Variants in SGTB observed in about 807,000 individuals in gnomAD.
SGTB encodes small glutamine rich tetratricopeptide repeat co-chaperone beta.
Under a neutral mutation model 43.9 loss-of-function variants are expected in SGTB, and 19 were observed. The ratio of observed to expected loss-of-function variants is 0.43; its 90% CI spans 0.30 to 0.63. SGTB has a LOEUF of 0.63. Ranked by LOEUF, SGTB falls within the 30% of genes least tolerant of loss-of-function variation. The probability of loss-of-function intolerance (pLI) is 0.12; values close to 1 mark genes in which losing one functional copy is unlikely to be tolerated. For missense variants in SGTB, 304 were observed against 358.9 expected (o/e 0.85, Z 1.24); for synonymous variants, 116 against 117.3 (o/e 0.99, Z 0.07).
At chr5:65,689,741 T>C (rs1328870828) in intron 5 of SGTB, among the ~76,000 whole-genome samples, 1 of 152,062 alleles carries the variant, frequency 6.6e-6, no homozygotes, top group East Asian at 1.9e-4. Flanking sequence ...AGTGGGGGCA[T>C]GGAGTGGGAG....
At chr5:65,721,473 C>G (rs1449093034) in intron 1 of SGTB, among the ~76,000 whole-genome samples, 11 of 152,176 alleles carry the variant, frequency 7.2e-5, no homozygotes, top group African/African-American at 2.7e-4. Context: ...AGCTCCCGGT[C>G]ATGTTCATTC....
chr5:65,719,970 T>C (rs566320107), intron 2 of SGTB, among the ~76,000 whole-genome samples: 1 of 152,318 alleles, frequency 6.6e-6, no homozygotes, highest in Admixed American at 6.5e-5. Flanking sequence ...GCTTTCCTAT[T>C]AGGAAATGGA....
In SGTB at chr5:65,704,456, G is replaced by A. The variant is rs534951324; in HGVS notation, c.275-78C>T. 1.8e-5 allele frequency: 19 copies of A among 1,048,032 alleles called. 2 individuals carry two copies. The highest frequency in any genetic ancestry group is 1.0e-4 in the South Asian group (5 of 48,474). 64.9% of individuals were successfully genotyped at this position (1,048,032 alleles called of 1,614,324 possible). On this transcript the variant is annotated intron_variant, in intron 4 of 10. Coordinates refer to ENST00000381007, the MANE Select transcript of SGTB (RefSeq NM_019072.3). ...ACACTCTTATAGACACATTTTAATC[G>A]TGGAAACTATAATTATATGAAAGTC...
chr5:65,682,113 G>GA (rs1377398298), intron 6 of SGTB, among the ~76,000 whole-genome samples: 1 of 152,184 alleles, frequency 6.6e-6, no homozygotes, highest in African/African-American at 2.4e-5. Context: ...AGCCACATTG[G>GA]AAAGATCTGA....
intron 2 of SGTB, among the ~76,000 whole-genome samples, chr5:65,715,645 C>T (rs756787268): frequency 1.3e-5 from 2 of 152,214 alleles, no homozygotes; most frequent in South Asian, 4.1e-4. Context: ...GATCCCTAAC[C>T]TCTTGGGATT....
At chr5:65,698,093 G>T (rs1015437088) in intron 5 of SGTB, among the ~76,000 whole-genome samples, 5 of 152,170 alleles carry the variant, frequency 3.3e-5, no homozygotes, top group Admixed American at 6.5e-5. Flanking sequence ...CTGGACATCT[G>T]ATGGTAGCTG....
rs1311823299 is a variant in SGTB at position 65,720,840 on chromosome 5, A to G, written c.-22-11T>C. 6.3e-7 allele frequency: 1 copy of G among 1,599,844 alleles called. No homozygotes were observed. The highest frequency in any genetic ancestry group is 8.5e-7 in the Non-Finnish European group (1 of 1,176,398). ...GCTTAAACACTTTTCCTTGATAAGA[A>G]AAATGAAAACACTGAACTAAGTTAT... On this transcript the variant is annotated splice_polypyrimidine_tract_variant and intron_variant, in intron 1 of 10. Transcript: ENST00000381007.
chr5:65,707,728 C>T (rs750401736), intron 4 of SGTB, among the ~76,000 whole-genome samples: 5 of 151,946 alleles, frequency 3.3e-5, no homozygotes, highest in African/African-American at 1.2e-4. Context: ...CCACCGTGCC[C>T]GGCCATGATA....
At position 65,669,629 on chromosome 5, in the gene SGTB, T is replaced by TC. The variant is rs1561147663; in HGVS notation, c.*616dup. 1.3e-5 allele frequency: 2 copies of TC among 152,594 alleles called. No individual in the cohort carries two copies. Among genetic ancestry groups the TC allele is most frequent in the Non-Finnish European group, 2.9e-5 (2 of 68,036 alleles). The allele number at this position is 152,594 out of a possible 1,614,324, so 9.5% of individuals were successfully genotyped here. On this transcript the variant is annotated 3_prime_UTR_variant, in exon 11 of 11. Coordinates refer to ENST00000381007, the MANE Select transcript of SGTB (RefSeq NM_019072.3). ...TTACCAATTTTTTCTTTTCAAAACA[T>TC]CCCTTGCATCAAGTGCTACTTTCTA...
chr5:65,694,522 C>T (rs1319435043), intron 5 of SGTB, among the ~76,000 whole-genome samples: 1 of 152,150 alleles, frequency 6.6e-6, no homozygotes, highest in Non-Finnish European at 1.5e-5. Flanking sequence ...GTAGCTCAGG[C>T]TGGAGTGTAG....
At chr5:65,722,613 C>T, upstream of SGTB, 2 of 537,894 alleles carry the variant, frequency 3.7e-6, no homozygotes, top group Non-Finnish European at 3.3e-6. Context: ...GCCTCCGCTC[C>T]CTCGGGAGGA....
intron 4 of SGTB, 49 bp downstream of exon 4, chr5:65,708,440 A>T (rs747548177): frequency 1.3e-5 from 20 of 1,514,290 alleles, no homozygotes; most frequent in Non-Finnish European, 1.8e-5. Flanking sequence ...AATTTCCTCC[A>T]GTTTCAGAAA....
At chr5:65,711,069 G>A (rs900325721) in intron 3 of SGTB, among the ~76,000 whole-genome samples, 1 of 151,850 alleles carries the variant, frequency 6.6e-6, no homozygotes, top group Non-Finnish European at 1.5e-5. Flanking sequence ...GGAGGCTAAG[G>A]CAGAAGAATC....
At chr5:65,707,698 G>C (rs935287898) in intron 4 of SGTB, among the ~76,000 whole-genome samples, 1 of 152,100 alleles carries the variant, frequency 6.6e-6, no homozygotes, top group African/African-American at 2.4e-5. Context: ...CTCCCAAAGT[G>C]CTGGGATTAC....
At chr5:65,704,245 G>C (rs771158440) in intron 5 of SGTB, 34 bp downstream of exon 5, 1 of 1,462,462 alleles carries the variant, frequency 6.8e-7, no homozygotes, top group Non-Finnish European at 9.3e-7. Flanking sequence ...AAATGTTTAA[G>C]AATTGCAAAC....
At chr5:65,697,933 G>A (rs60318557) in intron 5 of SGTB, among the ~76,000 whole-genome samples, 8,742 of 152,140 alleles carry the variant, frequency 0.057, 818 homozygotes, top group African/African-American at 0.2. Flanking sequence ...TCTCAAAACC[G>A]TTACGCTGAG....
rs1054186096 is a variant in SGTB at position 65,669,270 on chromosome 5, TAA to T, written c.*974_*975del. ...TTTTTGTTATCCATCAAATAATTAC[TAA>T]GTTTTCTTTTTAAAAAAAATCAGTG... On this transcript the variant is annotated 3_prime_UTR_variant, in exon 11 of 11. Transcript: ENST00000381007. 2 of 152,196 alleles carry T rather than the reference TAA, an allele frequency of 1.3e-5. No homozygotes were observed. Among genetic ancestry groups the T allele is most frequent in the African/African-American group, 4.8e-5 (2 of 41,452 alleles). 9.4% of individuals were successfully genotyped at this position (152,196 alleles called of 1,614,324 possible).
In SGTB at chr5:65,665,936, T is replaced by C. The variant is rs1757023535; in HGVS notation, c.*4310A>G. 1 of 152,586 alleles carries C rather than the reference T, an allele frequency of 6.6e-6. No homozygotes were observed. The allele number at this position is 152,586 out of a possible 1,614,324, so 9.5% of individuals were successfully genotyped here. ...TAAATCAAATACAAAAATTGGTTTT[T>C]CAATGCATCATTATTTATTGCCATA... On this transcript the variant is annotated 3_prime_UTR_variant, in exon 11 of 11. Coordinates refer to ENST00000381007, the MANE Select transcript of SGTB (RefSeq NM_019072.3).
chr5:65,691,953 G>T (rs945122585), intron 5 of SGTB, among the ~76,000 whole-genome samples: 3 of 147,204 alleles, frequency 2.0e-5, no homozygotes, highest in Non-Finnish European at 4.5e-5. Context: ...AAAAAAAAAT[G>T]AAGTTACATA....
Sources: gnomAD v4.1 joint callset for allele counts (sites outside exome capture counted in the v4.1 genomes callset) on GRCh38, gnomAD v4.1.1 for gene constraint, MANE v1.5 for transcripts, NCBI Gene and HGNC (gene_info 2026-07-23, HGNC 2026-07-21) for gene names.